The following MIPOL1 variants were observed in gnomAD, a reference collection of about 807,000 sequenced individuals.
MIPOL1 encodes the protein mirror-image polydactyly gene 1 protein.
Under a neutral mutation model 60.9 loss-of-function variants are expected in MIPOL1, and 57 were observed. That is an observed-to-expected ratio of 0.94 (90% CI 0.76 to 1.17). MIPOL1 has a LOEUF of 1.17. Among genes scored for constraint, MIPOL1 ranks in the 50% most tolerant of loss-of-function variants. The probability of loss-of-function intolerance (pLI) is 0.00; values close to 1 mark genes in which losing one functional copy is unlikely to be tolerated. For synonymous variants in MIPOL1, 179 were observed against 168.8 expected (o/e 1.06, Z -0.47); for missense variants, 551 against 511.6 (o/e 1.08, Z -0.74).
At position 37,308,410 on chromosome 14, in the gene MIPOL1, A is replaced by G; in HGVS notation, c.719A>G (p.Asn240Ser). Reference protein sequence around the residue: ...NADTGIAIQKNGAIIVDRIYK... With the variant: ...NADTGIAIQKSGAIIVDRIYK... ...GACACAGGGATAGCTATTCAGAAGA[A>G]TGGAGCTATAATTGTGGATAGAATC... The change falls in exon 9 of 13, where the codon AAT (asparagine) becomes AGT (serine). Residue 240 changes from asparagine (N) to serine (S), a missense_variant. Transcript: ENST00000684589. 6.2e-7 allele frequency: 1 copy of G among 1,605,118 alleles called. No homozygotes were observed. Among genetic ancestry groups the G allele is most frequent in the Non-Finnish European group, 8.5e-7 (1 of 1,176,674 alleles).
intron 9 of MIPOL1, among the ~76,000 whole-genome samples, chr14:37,314,215 A>G (rs2087640633): frequency 6.6e-6 from 1 of 152,106 alleles, no homozygotes; most frequent in African/African-American, 2.4e-5. Flanking sequence ...TATTTTTTTT[A>G]TCAAATATTG....
At chr14:37,521,296 G>A (rs987910609) in intron 12 of MIPOL1, among the ~76,000 whole-genome samples, 1 of 152,046 alleles carries the variant, frequency 6.6e-6, no homozygotes, top group Non-Finnish European at 1.5e-5. Context: ...TTCACAAATA[G>A]CACATTGTGG....
chr14:37,302,236 G>C (rs1297841099), intron 7 of MIPOL1, among the ~76,000 whole-genome samples: 1 of 145,018 alleles, frequency 6.9e-6, no homozygotes, highest in Admixed American at 7.1e-5. Context: ...GTATATCCAA[G>C]GAATATACAA....
intron 10 of MIPOL1, among the ~76,000 whole-genome samples, chr14:37,420,148 T>G (rs2093846841): frequency 6.6e-6 from 1 of 152,098 alleles, no homozygotes; most frequent in Non-Finnish European, 1.5e-5. Flanking sequence ...CGCTATCAAT[T>G]TTGTAAATCA....
At chr14:37,365,102 T>C (rs1409749245) in intron 9 of MIPOL1, among the ~76,000 whole-genome samples, 1 of 152,208 alleles carries the variant, frequency 6.6e-6, no homozygotes, top group Non-Finnish European at 1.5e-5. Flanking sequence ...TTTTTTTGTG[T>C]GTATGTGGAA....
At chr14:37,518,680 A>G (rs2095389704) in intron 12 of MIPOL1, among the ~76,000 whole-genome samples, 1 of 152,178 alleles carries the variant, frequency 6.6e-6, no homozygotes, top group Admixed American at 6.6e-5. Context: ...TCCTCTGAAA[A>G]GGGCTTAAAA....
intron 10 of MIPOL1, among the ~76,000 whole-genome samples, chr14:37,420,914 G>A (rs556898200): frequency 1.3e-5 from 2 of 152,178 alleles, no homozygotes; most frequent in Admixed American, 6.6e-5. Context: ...TGCTGGATAA[G>A]CATATATCTG....
In MIPOL1 at chr14:37,350,366, T is replaced by C. The variant is rs571072525; in HGVS notation, c.829-19151T>C. On this transcript the variant is annotated intron_variant, in intron 9 of 12. Coordinates refer to ENST00000684589, the MANE Select transcript of MIPOL1 (RefSeq NM_001388067.1). ...TGCTGGGGTTACAGGCATGTGCCACTGTGCCCAGCCCATTCTGCTTTTTCT... is the reference window on the plus strand; with the variant it reads ...TGCTGGGGTTACAGGCATGTGCCACCGTGCCCAGCCCATTCTGCTTTTTCT... Among the ~76,000 whole-genome samples the C allele has an allele frequency of 1.3e-4, 20 of 152,316 alleles. No homozygotes were observed. The South Asian group carries it at 3.9e-3, about 30-fold the overall frequency.
At chr14:37,395,614 A>T (rs1402137822) in intron 10 of MIPOL1, among the ~76,000 whole-genome samples, 2 of 152,132 alleles carry the variant, frequency 1.3e-5, no homozygotes, top group African/African-American at 4.8e-5. Flanking sequence ...TCTTGTGTCT[A>T]GAAACTTTGC....
intron 10 of MIPOL1, among the ~76,000 whole-genome samples, chr14:37,408,610 CAG>C (rs1187075525): frequency 6.6e-6 from 1 of 152,070 alleles, no homozygotes; most frequent in Non-Finnish European, 1.5e-5. Flanking sequence ...GCCTGGGTGT[CAG>C]AGGGAGACCC....
chr14:37,315,397 A>G (rs1335644259), intron 9 of MIPOL1, among the ~76,000 whole-genome samples: 1 of 152,226 alleles, frequency 6.6e-6, no homozygotes, highest in Non-Finnish European at 1.5e-5. Flanking sequence ...TCTTGGAGGT[A>G]ATGGTCAGGA....
intron 11 of MIPOL1, among the ~76,000 whole-genome samples, chr14:37,465,789 C>A (rs2094590948): frequency 6.6e-6 from 1 of 151,906 alleles, no homozygotes; most frequent in Non-Finnish European, 1.5e-5. Context: ...ATTTCTCCTG[C>A]CAGAATAATA....
intron 12 of MIPOL1, among the ~76,000 whole-genome samples, chr14:37,500,417 G>A (rs1828953722): frequency 6.6e-6 from 1 of 152,044 alleles, no homozygotes; most frequent in Non-Finnish European, 1.5e-5. Flanking sequence ...TCATTTCACA[G>A]TCACAAGTTA....
chr14:37,407,719 G>A (rs913171321), intron 10 of MIPOL1, among the ~76,000 whole-genome samples: 20 of 151,788 alleles, frequency 1.3e-4, no homozygotes, highest in Admixed American at 3.9e-4. Flanking sequence ...GTAATACTGA[G>A]CTTAAAAGTG....
At chr14:37,496,999 A>G (rs2095141290) in intron 11 of MIPOL1, among the ~76,000 whole-genome samples, 1 of 151,588 alleles carries the variant, frequency 6.6e-6, no homozygotes, top group Non-Finnish European at 1.5e-5. Context: ...ATAACACCGC[A>G]TAGATCTGAT....
At chr14:37,460,854 T>C in intron 11 of MIPOL1, among the ~76,000 whole-genome samples, 1 of 152,134 alleles carries the variant, frequency 6.6e-6, no homozygotes, top group Admixed American at 6.5e-5. Flanking sequence ...AAAGAAATTC[T>C]AGGTGACGCA....
intron 1 of MIPOL1, among the ~76,000 whole-genome samples, chr14:37,214,716 A>T (rs549805284): frequency 2.6e-5 from 4 of 152,288 alleles, no homozygotes; most frequent in African/African-American, 9.6e-5. Flanking sequence ...AGAAGATAAT[A>T]GTGTGAGCCC....
chr14:37,311,831 G>C (rs1461857826), intron 9 of MIPOL1, among the ~76,000 whole-genome samples: 1 of 152,128 alleles, frequency 6.6e-6, no homozygotes, highest in Non-Finnish European at 1.5e-5. Context: ...ATGTTATTCA[G>C]AATTCACCAG....
At chr14:37,326,117 A>G (rs751817939) in intron 9 of MIPOL1, among the ~76,000 whole-genome samples, 4 of 152,208 alleles carry the variant, frequency 2.6e-5, no homozygotes, top group Non-Finnish European at 5.9e-5. Flanking sequence ...GGATAAAAAA[A>G]CATTGTATAA....
Sources: gnomAD v4.1 joint callset for allele counts (sites outside exome capture counted in the v4.1 genomes callset) on GRCh38, gnomAD v4.1.1 for gene constraint, MANE v1.5 for transcripts, NCBI Gene and HGNC (gene_info 2026-07-23, HGNC 2026-07-21) for gene names.